Variants in ADAMTSL1 observed in about 807,000 individuals in gnomAD.
ADAMTSL1 encodes ADAMTS-like protein 1.
ADAMTSL1 carries 126 observed loss-of-function variants against 201.8 expected under a neutral mutation model. The observed-to-expected ratio is 0.62, with a 90% CI of 0.54 to 0.72. The LOEUF (loss-of-function observed/expected upper bound fraction) is 0.72, where lower values mean the gene tolerates loss of function less well. ADAMTSL1 is among the 30% of genes least tolerant of loss of function. The probability of loss-of-function intolerance (pLI) is 0.00; values close to 1 mark genes in which losing one functional copy is unlikely to be tolerated. For synonymous variants in ADAMTSL1, 1,121 were observed against 903.4 expected (o/e 1.24, Z -4.32); for missense variants, 2,679 against 2,277.8 (o/e 1.18, Z -3.59).
intron 2 of ADAMTSL1, among the ~76,000 whole-genome samples, chr9:18,423,934 T>C (rs1021934249): frequency 1.3e-5 from 2 of 152,252 alleles, no homozygotes. Context: ...ATGGCACTTA[T>C]CCTCAAAGTC....
At chr9:18,681,699 G>GGA in intron 11 of ADAMTSL1, 113 bp from the exon 12 acceptor site, 7 of 287,428 alleles carry the variant, frequency 2.4e-5, no homozygotes, top group Non-Finnish European at 2.6e-5. Context: ...TCCTCGTGTG[G>GGA]GGGGGGGGGG....
intron 14 of ADAMTSL1, among the ~76,000 whole-genome samples, chr9:18,709,780 A>G (rs1039897060): frequency 1.3e-5 from 2 of 152,190 alleles, no homozygotes; most frequent in African/African-American, 4.8e-5. Flanking sequence ...GATCAGCTTT[A>G]TTGTATTGAA....
chr9:17,927,456 G>A (rs1298129754), intron 1 of ADAMTSL1, among the ~76,000 whole-genome samples: 1 of 151,582 alleles, frequency 6.6e-6, no homozygotes, highest in Non-Finnish European at 1.5e-5. Context: ...ACATATACAT[G>A]CATGCAGTGG....
intron 20 of ADAMTSL1, among the ~76,000 whole-genome samples, chr9:18,807,247 T>G (rs1405465580): frequency 6.6e-6 from 1 of 152,198 alleles, no homozygotes; most frequent in Non-Finnish European, 1.5e-5. Flanking sequence ...ACAAACAAAT[T>G]TACAGATTAA....
At chr9:18,590,266 G>T (rs1377760720) in intron 4 of ADAMTSL1, among the ~76,000 whole-genome samples, 1 of 152,002 alleles carries the variant, frequency 6.6e-6, no homozygotes. Flanking sequence ...ATGTGTCAAG[G>T]AGTTTATCCA....
intron 1 of ADAMTSL1, among the ~76,000 whole-genome samples, chr9:17,907,143 C>T (rs943395753): frequency 6.6e-6 from 1 of 152,200 alleles, no homozygotes; most frequent in African/African-American, 2.4e-5. Flanking sequence ...ACCCAGCTTC[C>T]TGGGACCCTG....
intron 2 of ADAMTSL1, among the ~76,000 whole-genome samples, chr9:18,172,222 C>A (rs565213664): frequency 6.6e-6 from 1 of 151,580 alleles, no homozygotes; most frequent in Non-Finnish European, 1.5e-5. Flanking sequence ...CACGTGTATA[C>A]CTAGGTAACA....
chr9:17,974,688 C>G (rs1458543503), intron 1 of ADAMTSL1, among the ~76,000 whole-genome samples: 2 of 152,012 alleles, frequency 1.3e-5, no homozygotes, highest in Non-Finnish European at 2.9e-5. Flanking sequence ...TTTTAAATGG[C>G]AGGATCTCCT....
chr9:18,826,573 A>C lies in ADAMTSL1; in HGVS notation c.4114+110A>C. 2.3e-6 allele frequency: 3 copies of C among 1,293,830 alleles called. No homozygotes were observed. In the Middle Eastern group the frequency reaches 7.8e-4, roughly 335 times the overall value. 80.1% of individuals were successfully genotyped at this position (1,293,830 alleles called of 1,614,324 possible). On this transcript the variant is annotated intron_variant, in intron 22 of 28. Coordinates refer to ENST00000380548, the MANE Select transcript of ADAMTSL1 (RefSeq NM_001040272.6). The stretch of plus-strand genomic sequence containing the variant: ...TCCAATTAAGGACATAAAAGGTAAA[A>C]TTGATATCCCTTCACTTCTTCCCAA...
intron 9 of ADAMTSL1, among the ~76,000 whole-genome samples, chr9:18,664,425 A>C (rs1829305938): frequency 6.6e-6 from 1 of 152,098 alleles, no homozygotes; most frequent in East Asian, 1.9e-4. Context: ...TAAAATCGAG[A>C]GTGAACAATG....
intron 2 of ADAMTSL1, among the ~76,000 whole-genome samples, chr9:18,515,482 G>A (rs1189194436): frequency 1.3e-5 from 2 of 152,050 alleles, no homozygotes; most frequent in African/African-American, 2.4e-5. Context: ...CGACAGGCAT[G>A]AGCAATCATG....
chr9:17,938,955 A>G (rs1827122949), intron 1 of ADAMTSL1, among the ~76,000 whole-genome samples: 1 of 152,090 alleles, frequency 6.6e-6, no homozygotes, highest in Non-Finnish European at 1.5e-5. Flanking sequence ...TTCTCTGCCT[A>G]ATGCCTCTGT....
At chr9:18,164,822 A>G (rs1827562418) in intron 2 of ADAMTSL1, among the ~76,000 whole-genome samples, 1 of 151,878 alleles carries the variant, frequency 6.6e-6, no homozygotes, top group East Asian at 1.9e-4. Flanking sequence ...CTCTCTCAAG[A>G]GTGTATCTTT....
rs185499087 is a variant in ADAMTSL1 at position 18,239,479 on chromosome 9, C to T, written c.207+75498C>T. ...TCTGGCTGGGCACCATGGCTCACAC[C>T]TATAATCTCAGCATTTTGGGAGGCC... On this transcript the variant is annotated intron_variant, in intron 2 of 29. Coordinates refer to the ADAMTSL1 transcript ENST00000680146. Among the ~76,000 whole-genome samples the T allele has an allele frequency of 4.2e-3, 632 of 152,272 alleles. 5 individuals carry two copies. Among genetic ancestry groups the T allele is most frequent in the African/African-American group, 0.015 (603 of 41,548 alleles).
intron 2 of ADAMTSL1, among the ~76,000 whole-genome samples, chr9:18,218,955 A>T: frequency 6.6e-6 from 1 of 151,940 alleles, no homozygotes. Flanking sequence ...TTCTAATTTG[A>T]TCTTTTCTGA....
At chr9:18,510,538 G>C (rs1817964572) in intron 2 of ADAMTSL1, among the ~76,000 whole-genome samples, 1 of 152,094 alleles carries the variant, frequency 6.6e-6, no homozygotes, top group Non-Finnish European at 1.5e-5. Context: ...TTTGCAGAAA[G>C]TAGGCAGTGC....
chr9:18,487,243 C>T (rs1315795192), intron 1 of ADAMTSL1, among the ~76,000 whole-genome samples: 7 of 152,058 alleles, frequency 4.6e-5, no homozygotes, highest in South Asian at 2.1e-4. Context: ...ATTGCTAAGG[C>T]GTCAGATTTT....
chr9:18,651,932 C>T (rs1350866471), intron 7 of ADAMTSL1, among the ~76,000 whole-genome samples: 2 of 137,832 alleles, frequency 1.5e-5, no homozygotes, highest in African/African-American at 5.0e-5. Flanking sequence ...ATATTTCCTT[C>T]ATTTAGCAGA....
Position 18,622,112 on chromosome 9 carries a change from A to G in ADAMTSL1, c.475-131A>G, listed in dbSNP as rs534604158. 8.6e-6 allele frequency: 10 copies of G among 1,158,314 alleles called. No homozygotes were observed. In the Admixed American group the frequency reaches 1.0e-4, roughly 12 times the overall value. The allele number at this position is 1,158,314 out of a possible 1,614,324, so 71.8% of individuals were successfully genotyped here. ...CTTGATTTAAATTCCAGTTGAATTC[A>G]GTCCCCTTCACGGGGTATGTTTTAG... On this transcript the variant is annotated intron_variant, in intron 4 of 28. Transcript: ENST00000380548.
Sources: allele counts gnomAD v4.1 joint callset (sites outside exome capture counted in the v4.1 genomes callset), GRCh38; gene constraint gnomAD v4.1.1; transcripts MANE v1.5; gene names NCBI Gene and HGNC (gene_info 2026-07-23, HGNC 2026-07-21).